Variants in PLCB1 observed in about 807,000 individuals in gnomAD.
The protein encoded by PLCB1 is 1-phosphatidylinositol 4,5-bisphosphate phosphodiesterase beta-1.
A neutral mutation model predicts 161.8 loss-of-function variants in PLCB1; 46 were observed. The ratio of observed to expected loss-of-function variants is 0.28; its 90% CI spans 0.22 to 0.36. The LOEUF is 0.36. Ranked by LOEUF, PLCB1 falls within the 10% of genes least tolerant of loss-of-function variation. The pLI, the probability that PLCB1 is intolerant of heterozygous loss-of-function variation, is 1.00. For missense variants in PLCB1, 1,016 were observed against 1,472.5 expected, an observed-to-expected ratio of 0.69 and a Z score of 5.07; for synonymous variants, 517 against 503.7, an observed-to-expected ratio of 1.03 and a Z score of -0.35.
chr20:8,388,178 G>A (rs1353358117), intron 3 of PLCB1, among the ~76,000 whole-genome samples: 1 of 151,956 alleles, frequency 6.6e-6, no homozygotes, highest in Non-Finnish European at 1.5e-5. Context: ...TAACTTTACT[G>A]ACAATACCCT....
chr20:8,845,070 C>T (rs778113920), intron 31 of PLCB1, among the ~76,000 whole-genome samples: 13 of 151,724 alleles, frequency 8.6e-5, no homozygotes, highest in East Asian at 7.8e-4. Flanking sequence ...GCCGAGATCA[C>T]GCCACTGCAC....
chr20:8,376,854 G>C (rs1365310230), intron 3 of PLCB1, among the ~76,000 whole-genome samples: 1 of 152,026 alleles, frequency 6.6e-6, no homozygotes, highest in Non-Finnish European at 1.5e-5. Flanking sequence ...CATGAACCTG[G>C]GAGGCAGAGA....
chr20:8,257,298 A>G (rs1025650127), intron 2 of PLCB1, among the ~76,000 whole-genome samples: 9 of 152,186 alleles, frequency 5.9e-5, no homozygotes, highest in African/African-American at 2.2e-4. Flanking sequence ...TTTTTACACA[A>G]CTGTTTCTTA....
chr20:8,221,579 A>G (rs1232415776), intron 2 of PLCB1, among the ~76,000 whole-genome samples: 1 of 152,124 alleles, frequency 6.6e-6, no homozygotes, highest in Non-Finnish European at 1.5e-5. Flanking sequence ...TGTTTAATTG[A>G]GAGATGAACA....
chr20:8,615,780 C>T (rs542325792), intron 3 of PLCB1, among the ~76,000 whole-genome samples: 11 of 152,262 alleles, frequency 7.2e-5, no homozygotes, highest in Admixed American at 2.0e-4. Context: ...AACTTCTCTC[C>T]GGAATAAAAC....
rs1265175921 is a variant in PLCB1, at chr20:8,739,342, G to C, written c.2290G>C (p.Val764Leu). The part of the protein sequence containing the change: ...GKFIGHRILP[V>L]QAIRPGYHYI... ...ATTCATTGGCCACCGTATCTTGCCA[G>C]TGCAAGCCATTCGGCCAGGTATGGG... The change falls in exon 21 of 32, where the codon GTG becomes CTG. Residue 764 changes from valine to leucine, a missense_variant. Val to Leu is a conservative substitution (Grantham distance 32, BLOSUM62 1). Around this residue, in one of 10 missense-constraint regions of PLCB1, gnomAD observed 75 missense variants for 117.0 expected, o/e 0.64. Coordinates refer to ENST00000338037, the MANE Select transcript of PLCB1 (RefSeq NM_015192.4). 2 of 1,612,394 alleles carry C rather than the reference G, an allele frequency of 1.2e-6. No homozygotes were observed. The highest frequency in any genetic ancestry group is 2.7e-5 in the African/African-American group (2 of 74,912).
intron 12 of PLCB1, among the ~76,000 whole-genome samples, chr20:8,710,914 C>T (rs1978974084): frequency 1.3e-5 from 2 of 152,158 alleles, no homozygotes; most frequent in South Asian, 2.1e-4. Context: ...AAAATATCAA[C>T]CGCCACCACC....
At chr20:8,181,175 G>T (rs1283544262) in intron 2 of PLCB1, among the ~76,000 whole-genome samples, 1 of 150,812 alleles carries the variant, frequency 6.6e-6, no homozygotes, top group African/African-American at 2.4e-5. Context: ...CTTGACCCTG[G>T]GAGGCGGAGG....
At chr20:8,482,460 A>G (rs1157359921) in intron 3 of PLCB1, among the ~76,000 whole-genome samples, 1 of 152,184 alleles carries the variant, frequency 6.6e-6, no homozygotes, top group Non-Finnish European at 1.5e-5. Flanking sequence ...TATCTTTTGT[A>G]CAGCTTCACA....
At chr20:8,522,636 C>A (rs1316611819) in intron 3 of PLCB1, among the ~76,000 whole-genome samples, 3 of 152,026 alleles carry the variant, frequency 2.0e-5, no homozygotes, top group Non-Finnish European at 4.4e-5. Context: ...GCAGACACTA[C>A]CATTTTAAGT....
chr20:8,634,605 T>C (rs1988702776), intron 4 of PLCB1, among the ~76,000 whole-genome samples: 1 of 152,348 alleles, frequency 6.6e-6, no homozygotes, highest in South Asian at 2.1e-4. Flanking sequence ...TCTCACACTT[T>C]GCTCTACAAA....
chr20:8,301,279 AAAG>A (rs1423306114), intron 2 of PLCB1, among the ~76,000 whole-genome samples: 2 of 152,186 alleles, frequency 1.3e-5, no homozygotes, highest in Non-Finnish European at 2.9e-5. Flanking sequence ...AGTGCAAAGA[AAAG>A]AAGCTGCTTT....
chr20:8,837,767 G>A (rs1986344632), intron 31 of PLCB1, among the ~76,000 whole-genome samples: 1 of 152,192 alleles, frequency 6.6e-6, no homozygotes, highest in South Asian at 2.1e-4. Context: ...AGAGCTCTGT[G>A]ACACTCTACT....
At chr20:8,179,897 C>T (rs1200088583) in intron 2 of PLCB1, among the ~76,000 whole-genome samples, 13 of 107,408 alleles carry the variant, frequency 1.2e-4, no homozygotes, top group African/African-American at 3.0e-4. Flanking sequence ...CCCTCTCTGT[C>T]GCCCAGGCTG....
chr20:8,136,217 G>A (rs2051345639), intron 1 of PLCB1, among the ~76,000 whole-genome samples: 1 of 152,188 alleles, frequency 6.6e-6, no homozygotes, highest in African/African-American at 2.4e-5. Flanking sequence ...ACGGTAACAT[G>A]CAAATTGTAA....
chr20:8,327,780 C>T (rs1985213453), intron 2 of PLCB1, among the ~76,000 whole-genome samples: 1 of 152,088 alleles, frequency 6.6e-6, no homozygotes, highest in South Asian at 2.1e-4. Context: ...CAATTTATTT[C>T]TCACATTGTT....
intron 2 of PLCB1, among the ~76,000 whole-genome samples, chr20:8,190,269 G>A (rs2051953413): frequency 6.6e-6 from 1 of 152,050 alleles, no homozygotes; most frequent in Admixed American, 6.6e-5. Context: ...AGCAAGTCAG[G>A]ATGTACGAAC....
At chr20:8,177,319 C>G (rs1318746460) in intron 2 of PLCB1, among the ~76,000 whole-genome samples, 1 of 152,124 alleles carries the variant, frequency 6.6e-6, no homozygotes, top group Admixed American at 6.6e-5. Context: ...AATCACCAGA[C>G]GCTGAATCTG....
intron 2 of PLCB1, among the ~76,000 whole-genome samples, chr20:8,152,402 G>A (rs888934971): frequency 1.3e-5 from 2 of 152,094 alleles, no homozygotes; most frequent in South Asian, 2.1e-4. Flanking sequence ...GGAGATGGAC[G>A]ACTCCAAGTG....
Sources: allele counts gnomAD v4.1 joint callset (sites outside exome capture counted in the v4.1 genomes callset), GRCh38; gene constraint gnomAD v4.1.1; regional missense constraint gnomAD v4.1.1; transcripts MANE v1.5; gene names NCBI Gene and HGNC (gene_info 2026-07-23, HGNC 2026-07-21).